The following KIAA1217 variants were observed in gnomAD, a reference collection of about 807,000 sequenced individuals.
KIAA1217 encodes sickle tail protein homolog.
A neutral mutation model predicts 163.9 loss-of-function variants in KIAA1217; 88 were observed. The observed-to-expected ratio is 0.54, with a 90% CI of 0.45 to 0.64. The LOEUF (loss-of-function observed/expected upper bound fraction) is 0.64. KIAA1217 is among the 30% of genes least tolerant of loss of function. The pLI, the probability that KIAA1217 is intolerant of heterozygous loss-of-function variation, is 0.00. For missense variants in KIAA1217, 2,372 were observed against 2,475.0 expected (o/e 0.96, Z 0.88); for synonymous variants, 903 against 923.1 (o/e 0.98, Z 0.39).
chr10:24,531,998 G>A lies in KIAA1217; in HGVS notation c.3246+5G>A, dbSNP rs771382174. 1 of 1,534,902 alleles carries A rather than the reference G, an allele frequency of 6.5e-7. No homozygotes were observed. The highest frequency in any genetic ancestry group is 1.9e-5 in the Admixed American group (1 of 53,468). The stretch of plus-strand genomic sequence containing the variant: ...AAGGAGAACATCACCGCTAAGGTCT[G>A]ATAGGCTAAGCCCTGGTAAACTGGC... On this transcript the variant is annotated splice_donor_5th_base_variant and intron_variant, in intron 15 of 20. Transcript: ENST00000376454.
chr10:24,077,217 G>A (rs1487348770), intron 2 of KIAA1217, among the ~76,000 whole-genome samples: 1 of 152,072 alleles, frequency 6.6e-6, no homozygotes, highest in Non-Finnish European at 1.5e-5. Context: ...TACATGTGCA[G>A]GATGTGCAGG....
At chr10:24,404,860 AAAG>A (rs1350399202) in intron 3 of KIAA1217, among the ~76,000 whole-genome samples, 1 of 152,208 alleles carries the variant, frequency 6.6e-6, no homozygotes, top group Non-Finnish European at 1.5e-5. Context: ...AGTGAGGAAA[AAAG>A]AAAAAAGCCA....
chr10:24,184,137 G>A (rs11818503), intron 2 of KIAA1217, among the ~76,000 whole-genome samples: 1 of 152,206 alleles, frequency 6.6e-6, no homozygotes, highest in Non-Finnish European at 1.5e-5. Context: ...GCCAGTGAGT[G>A]AAGACTTGGG....
intron 1 of KIAA1217, among the ~76,000 whole-genome samples, chr10:23,960,741 A>G (rs1281981224): frequency 6.6e-6 from 1 of 152,256 alleles, no homozygotes; most frequent in African/African-American, 2.4e-5. Flanking sequence ...TTTACTTAAC[A>G]AAAACAAAAA....
chr10:24,479,384 T>C (rs547693004), intron 6 of KIAA1217, among the ~76,000 whole-genome samples: 1 of 152,358 alleles, frequency 6.6e-6, no homozygotes, highest in Non-Finnish European at 1.5e-5. Context: ...AACCATGATT[T>C]ATCCTCCTAG....
rs143381768 is a variant in KIAA1217, at chr10:24,391,426, A to G, written c.553+10359A>G. Among the ~76,000 whole-genome samples, 779 of 141,964 alleles carry G rather than the reference A, an allele frequency of 5.5e-3. 12 individuals carry two copies. Among genetic ancestry groups the G allele is most frequent in the African/African-American group, 0.019 (715 of 37,090 alleles). The allele number at this position is 141,964 out of a possible 152,430, so 93.1% of individuals were successfully genotyped here. ...AGTGGTGTGATCTCAACTCACTGCA[A>G]CCTCCACCTCTGGGGTTCAGCAATT... On this transcript the variant is annotated intron_variant, in intron 3 of 20. Transcript: ENST00000376454.
intron 2 of KIAA1217, among the ~76,000 whole-genome samples, chr10:24,323,595 G>T (rs113120249): frequency 0.014 from 2,083 of 152,268 alleles, 50 homozygotes; most frequent in African/African-American, 0.048. Flanking sequence ...AGCGCAGTTT[G>T]CAAACAGCCT....
chr10:24,067,104 T>C (rs894543370), intron 2 of KIAA1217, among the ~76,000 whole-genome samples: 3 of 152,194 alleles, frequency 2.0e-5, no homozygotes, highest in African/African-American at 7.2e-5. Context: ...TTCTTTAGCT[T>C]GGAGTAGTTT....
At chr10:23,829,250 C>A (rs1366125855) in intron 1 of KIAA1217, among the ~76,000 whole-genome samples, 1 of 152,056 alleles carries the variant, frequency 6.6e-6, no homozygotes, top group Non-Finnish European at 1.5e-5. Context: ...GTTATGAAAA[C>A]AATTATTATA....
chr10:23,873,627 T>C (rs376648493), intron 1 of KIAA1217, among the ~76,000 whole-genome samples: 2 of 152,016 alleles, frequency 1.3e-5, no homozygotes, highest in East Asian at 3.9e-4. Flanking sequence ...GCAATTTTGG[T>C]TGAAGGAAAA....
At chr10:24,332,381 G>C (rs1225514145) in intron 2 of KIAA1217, among the ~76,000 whole-genome samples, 1 of 152,174 alleles carries the variant, frequency 6.6e-6, no homozygotes, top group Non-Finnish European at 1.5e-5. Context: ...TGTAACAGGA[G>C]GTGAAGAATG....
chr10:24,291,746 C>T (rs1477636677), intron 2 of KIAA1217, among the ~76,000 whole-genome samples: 1 of 151,944 alleles, frequency 6.6e-6, no homozygotes, highest in East Asian at 1.9e-4. Context: ...TTTCATTTTG[C>T]TTTACTACTC....
At chr10:23,800,289 A>G (rs1836409689) in intron 1 of KIAA1217, among the ~76,000 whole-genome samples, 1 of 152,216 alleles carries the variant, frequency 6.6e-6, no homozygotes, top group South Asian at 2.1e-4. Context: ...AACCATGTAA[A>G]TTACAATAAG....
intron 2 of KIAA1217, among the ~76,000 whole-genome samples, chr10:24,360,622 G>A (rs548089076): frequency 6.6e-6 from 1 of 152,288 alleles, no homozygotes; most frequent in East Asian, 1.9e-4. Flanking sequence ...CAGTTGACCT[G>A]TGTCTTGTTT....
chr10:23,883,667 G>A lies in KIAA1217; in HGVS notation c.-320-123558G>A, dbSNP rs114435301. On this transcript the variant is annotated intron_variant, in intron 1 of 18. Coordinates refer to the KIAA1217 transcript ENST00000376462. Reference sequence around the variant, plus strand: ...GAGTTTATCTTAGGCTTCACCCTTCGTTGTTTCACATTCTCTGGATTGGAA... The same window carrying A: ...GAGTTTATCTTAGGCTTCACCCTTCATTGTTTCACATTCTCTGGATTGGAA... Among the ~76,000 whole-genome samples, 537 of 151,934 alleles carry A rather than the reference G, an allele frequency of 3.5e-3. 1 individual carries two copies. Among genetic ancestry groups the A allele is most frequent in the African/African-American group, 7.1e-3 (296 of 41,488 alleles).
chr10:24,436,707 G>A (rs926131424), intron 4 of KIAA1217, among the ~76,000 whole-genome samples: 8 of 129,244 alleles, frequency 6.2e-5, no homozygotes, highest in African/African-American at 1.5e-4. Flanking sequence ...ACAGTGAGCC[G>A]AGACGGTGCC....
chr10:23,893,572 A>C (rs926598873), intron 1 of KIAA1217, among the ~76,000 whole-genome samples: 11 of 151,734 alleles, frequency 7.2e-5, no homozygotes, highest in Non-Finnish European at 1.3e-4. Flanking sequence ...TAGTTCTTTT[A>C]ATTGTGATGT....
At chr10:23,968,208 A>G (rs1156316104) in intron 1 of KIAA1217, among the ~76,000 whole-genome samples, 1 of 152,192 alleles carries the variant, frequency 6.6e-6, no homozygotes, top group African/African-American at 2.4e-5. Flanking sequence ...AAGAATCTAT[A>G]TTGCATCAAA....
intron 1 of KIAA1217, among the ~76,000 whole-genome samples, chr10:23,955,499 G>A (rs1303122521): frequency 6.6e-6 from 1 of 152,044 alleles, no homozygotes; most frequent in Non-Finnish European, 1.5e-5. Context: ...ATATTGTCTT[G>A]GATTCTATTC....
Sources: allele counts gnomAD v4.1 joint callset (sites outside exome capture counted in the v4.1 genomes callset), GRCh38; gene constraint gnomAD v4.1.1; transcripts MANE v1.5; gene names NCBI Gene and HGNC (gene_info 2026-07-23, HGNC 2026-07-21).